FERMT2: variants seen among roughly 807,000 people sequenced by gnomAD.
The protein encoded by FERMT2 is FERM domain containing kindlin 2, also known as fermitin family homolog 2.
A neutral mutation model predicts 82.7 loss-of-function variants in FERMT2; 15 were observed. That is an observed-to-expected ratio of 0.18 (90% CI 0.12 to 0.28). The LOEUF (loss-of-function observed/expected upper bound fraction) is 0.28, where lower values mean the gene tolerates loss of function less well. FERMT2 is among the 10% of genes least tolerant of loss of function. The pLI, the probability that FERMT2 is intolerant of heterozygous loss-of-function variation, is 1.00. For synonymous variants in FERMT2, 274 were observed against 271.5 expected, an observed-to-expected ratio of 1.01 and a Z score of -0.09; for missense variants, 645 against 809.4, an observed-to-expected ratio of 0.80 and a Z score of 2.46.
In FERMT2 at chr14:52,857,373, C is replaced by T. The variant is rs767616013; in HGVS notation, c.*1004G>A. On this transcript the variant is annotated 3_prime_UTR_variant, in exon 15 of 15. Coordinates refer to ENST00000341590, the MANE Select transcript of FERMT2 (RefSeq NM_006832.3). ...CTGGTAATCCACCTCTCCCTCGCAC[C>T]CTTTTGGGCTATGTGAGCTAGGAAT... The T allele has an allele frequency of 6.6e-6, 1 of 152,516 alleles. No individual in the cohort carries two copies. Among genetic ancestry groups the T allele is most frequent in the African/African-American group, 2.4e-5 (1 of 41,400 alleles). 9.4% of individuals were successfully genotyped at this position (152,516 alleles called of 1,614,324 possible). A position where few individuals can be genotyped will look rare whatever the true frequency, so the allele number is the denominator to read the frequency against.
chr14:52,934,496 A>C (rs1889745744), intron 2 of FERMT2, among the ~76,000 whole-genome samples: 1 of 152,226 alleles, frequency 6.6e-6, no homozygotes, highest in Non-Finnish European at 1.5e-5. Flanking sequence ...AGTCTGGATC[A>C]ACTTAAAACA....
intron 2 of FERMT2, among the ~76,000 whole-genome samples, chr14:52,949,094 C>G (rs1890493939): frequency 1.3e-5 from 2 of 152,080 alleles, no homozygotes; most frequent in South Asian, 2.1e-4. Flanking sequence ...ACTGGGCTAC[C>G]TAGGAGGATT....
chr14:52,917,188 A>C (rs576315251), intron 3 of FERMT2, among the ~76,000 whole-genome samples: 1 of 152,362 alleles, frequency 6.6e-6, no homozygotes, highest in Admixed American at 6.5e-5. Context: ...ATTCTTGCAC[A>C]CACGTACAAA....
Position 52,881,313 on chromosome 14 carries a change from G to A in FERMT2, c.683C>T (p.Thr228Met), listed in dbSNP as rs369069013. 2.0e-4 allele frequency: 324 copies of A among 1,613,868 alleles called. No homozygotes were observed. The highest frequency in any genetic ancestry group is 2.6e-4 in the Non-Finnish European group (307 of 1,180,002). The change falls in exon 5 of 15, where the codon ACG becomes ATG. Residue 228 changes from threonine (T) to methionine (M), a missense_variant. Physicochemically the swap from Thr to Met is moderately conservative, Grantham distance 81. Coordinates refer to ENST00000341590, the MANE Select transcript of FERMT2 (RefSeq NM_006832.3). ...PGILAVSQPITSPEILAKMFK... is the reference protein window; with the variant it reads ...PGILAVSQPIMSPEILAKMFK... The stretch of plus-strand genomic sequence containing the variant: ...CATTTTTGCCAAGATTTCTGGTGAC[G>A]TGATTGGTTGACTGACAGCAAGTAT...
At chr14:52,863,972 G>A (rs1314183942) in intron 12 of FERMT2, among the ~76,000 whole-genome samples, 5 of 151,816 alleles carry the variant, frequency 3.3e-5, no homozygotes, top group Non-Finnish European at 7.4e-5. Flanking sequence ...ACTATTCTGT[G>A]TCCTTATCTG....
chr14:52,913,978 T>C (rs1888471871), intron 3 of FERMT2, among the ~76,000 whole-genome samples: 1 of 152,098 alleles, frequency 6.6e-6, no homozygotes, highest in Non-Finnish European at 1.5e-5. Context: ...TAGGTTCTTG[T>C]CTGTCTCTGC....
At chr14:52,860,748 GTAC>G (rs933485258) in intron 12 of FERMT2, 33 of 563,426 alleles carry the variant, frequency 5.9e-5, no homozygotes, top group Non-Finnish European at 9.2e-5. Context: ...ACACCTAACG[GTAC>G]TACTATTACA....
At chr14:52,887,677 T>C (rs1235674204) in intron 4 of FERMT2, among the ~76,000 whole-genome samples, 2 of 151,796 alleles carry the variant, frequency 1.3e-5, no homozygotes, top group East Asian at 1.9e-4. Flanking sequence ...AAAAAAAGAA[T>C]TGGTTACTTA....
chr14:52,905,206 A>G lies in FERMT2; in HGVS notation c.392-11779T>C, dbSNP rs867564035. On this transcript the variant is annotated intron_variant, in intron 3 of 14. Transcript: ENST00000341590. ...TCCATCTCAAAAAAAAAAAAAAAGA[A>G]AGAGTTGAGTGGAAAAACATCAACA... 3.0e-3 allele frequency among the ~76,000 whole-genome samples: 454 copies of G among 151,860 alleles called. 4 individuals carry two copies. The highest frequency in any genetic ancestry group is 0.01 in the African/African-American group (421 of 41,406).
chr14:52,886,653 T>C (rs960234479), intron 4 of FERMT2, among the ~76,000 whole-genome samples: 1 of 152,194 alleles, frequency 6.6e-6, no homozygotes, highest in African/African-American at 2.4e-5. Context: ...AAAAATCAAA[T>C]TGCAGAGCAT....
chr14:52,886,156 C>T (rs1886590398), intron 4 of FERMT2, among the ~76,000 whole-genome samples: 1 of 152,000 alleles, frequency 6.6e-6, no homozygotes, highest in Non-Finnish European at 1.5e-5. Context: ...CGAGATACTA[C>T]TTATTGTCAA....
At chr14:52,896,927 T>G (rs576942057) in intron 3 of FERMT2, among the ~76,000 whole-genome samples, 154 of 151,540 alleles carry the variant, frequency 1.0e-3, no homozygotes, top group African/African-American at 3.6e-3. Flanking sequence ...GCCTGGAAGC[T>G]GCAGTGAGCC....
chr14:52,881,003 GA>G (rs201882097), intron 6 of FERMT2, 32 bp downstream of exon 6: 17,024 of 1,199,786 alleles, frequency 0.014, 96 homozygotes, highest in Non-Finnish European at 0.017. Context: ...AATTAATGGG[GA>G]AAAAAAAAAG....
At chr14:52,938,011 C>G (rs1889924630) in intron 2 of FERMT2, among the ~76,000 whole-genome samples, 1 of 152,142 alleles carries the variant, frequency 6.6e-6, no homozygotes, top group Non-Finnish European at 1.5e-5. Flanking sequence ...TTACGACAAC[C>G]CTAAGTGGTA....
intron 3 of FERMT2, among the ~76,000 whole-genome samples, chr14:52,895,540 ACT>A (rs1330797892): frequency 6.6e-6 from 1 of 152,206 alleles, no homozygotes; most frequent in Non-Finnish European, 1.5e-5. Context: ...AAAATGAATG[ACT>A]CTCAAATTTA....
At chr14:52,873,366 G>A (rs1484981139) in intron 9 of FERMT2, among the ~76,000 whole-genome samples, 2 of 152,224 alleles carry the variant, frequency 1.3e-5, no homozygotes, top group African/African-American at 2.4e-5. Flanking sequence ...GACTGAAAGT[G>A]GGGGATGTGC....
intron 3 of FERMT2, among the ~76,000 whole-genome samples, chr14:52,904,831 T>C (rs1432824793): frequency 6.7e-6 from 1 of 148,690 alleles, no homozygotes; most frequent in African/African-American, 2.5e-5. Flanking sequence ...AGTAAAAATG[T>C]CTGCTTTCTT....
chr14:52,946,454 A>C (rs1324271739), intron 2 of FERMT2, among the ~76,000 whole-genome samples: 1 of 151,898 alleles, frequency 6.6e-6, no homozygotes, highest in Non-Finnish European at 1.5e-5. Context: ...GGAGTTCAAG[A>C]CCAGCCTGGG....
At chr14:52,907,767 A>C (rs1356067650) in intron 3 of FERMT2, among the ~76,000 whole-genome samples, 9 of 148,902 alleles carry the variant, frequency 6.0e-5, no homozygotes, top group Admixed American at 1.4e-4. Context: ...CAAAACAACC[A>C]CCCCCCACCA....
Sources: allele counts gnomAD v4.1 joint callset (sites outside exome capture counted in the v4.1 genomes callset), GRCh38; gene constraint gnomAD v4.1.1; transcripts MANE v1.5; gene names NCBI Gene and HGNC (gene_info 2026-07-23, HGNC 2026-07-21).